Variants in FRK observed in about 807,000 individuals in gnomAD.
FRK encodes the protein fyn related Src family tyrosine kinase.
A neutral mutation model predicts 56.4 loss-of-function variants in FRK; 51 were observed. The ratio of observed to expected loss-of-function variants is 0.90; its 90% CI spans 0.72 to 1.14. The LOEUF (loss-of-function observed/expected upper bound fraction) is 1.14. Among genes scored for constraint, FRK ranks in the 50% most tolerant of loss-of-function variants. FRK has a pLI of 0.00. For synonymous variants in FRK, 245 were observed against 217.9 expected, an observed-to-expected ratio of 1.12 and a Z score of -1.10; for missense variants, 570 against 601.4, an observed-to-expected ratio of 0.95 and a Z score of 0.55.
chr6:116,065,911 TC>T, the FRK span, among the ~76,000 whole-genome samples: 1 of 152,220 alleles, frequency 6.6e-6, no homozygotes, highest in Non-Finnish European at 1.5e-5. Flanking sequence ...TTGTGTTGTT[TC>T]CCCAAGCATA....
the FRK span, among the ~76,000 whole-genome samples, chr6:116,083,458 G>A: frequency 6.6e-6 from 1 of 152,222 alleles, no homozygotes; most frequent in Non-Finnish European, 1.5e-5. Flanking sequence ...TATCATCAGA[G>A]GAGGGGGGAA....
chr6:116,025,680 T>C (rs891810769), intron 1 of FRK, among the ~76,000 whole-genome samples: 3 of 152,208 alleles, frequency 2.0e-5, no homozygotes. Flanking sequence ...TGTGGTTATA[T>C]CTTTATTTGT....
At chr6:116,052,688 G>A (rs1444762330) in intron 1 of FRK, among the ~76,000 whole-genome samples, 1 of 151,912 alleles carries the variant, frequency 6.6e-6, no homozygotes, top group Non-Finnish European at 1.5e-5. Context: ...AAGCTGGTCA[G>A]GAAAAAAAGA....
chr6:116,071,542 T>C, the FRK span, among the ~76,000 whole-genome samples: 2 of 152,200 alleles, frequency 1.3e-5, no homozygotes, highest in South Asian at 2.1e-4. Context: ...TCGTATCAGA[T>C]GCAATCAGAA....
chr6:115,990,214 C>T (rs530107700), intron 2 of FRK, among the ~76,000 whole-genome samples: 6 of 152,034 alleles, frequency 3.9e-5, no homozygotes, highest in African/African-American at 1.4e-4. Context: ...TATTTTCTCC[C>T]ATTCTGTAGG....
chr6:115,944,168 C>A, intron 6 of FRK, 76 bp downstream of exon 6: 1 of 1,172,924 alleles, frequency 8.5e-7, no homozygotes, highest in Admixed American at 2.3e-5. Flanking sequence ...TAAAGAATAA[C>A]AGTATATCTA....
At chr6:116,075,460 T>TGG in the FRK span, among the ~76,000 whole-genome samples, 14 of 99,868 alleles carry the variant, frequency 1.4e-4, no homozygotes, top group African/African-American at 5.1e-4. Context: ...GCTTAAGAGC[T>TGG]GGGGGAAAAA....
the FRK span, among the ~76,000 whole-genome samples, chr6:116,071,207 A>G: frequency 1.3e-5 from 2 of 152,144 alleles, no homozygotes; most frequent in African/African-American, 4.8e-5. Context: ...AAGTTAAACC[A>G]CAAGTCATAC....
At chr6:116,008,118 T>C (rs1445174041) in intron 1 of FRK, among the ~76,000 whole-genome samples, 3 of 152,222 alleles carry the variant, frequency 2.0e-5, no homozygotes, top group Non-Finnish European at 4.4e-5. Flanking sequence ...TTTATGTACA[T>C]ATGTTACATT....
At chr6:116,042,367 C>T (rs1029067953) in intron 1 of FRK, among the ~76,000 whole-genome samples, 2 of 152,164 alleles carry the variant, frequency 1.3e-5, no homozygotes, top group African/African-American at 2.4e-5. Flanking sequence ...GGGAGGCCCA[C>T]TAGACTAGCA....
At chr6:116,046,944 A>G (rs887295157) in intron 1 of FRK, among the ~76,000 whole-genome samples, 1 of 151,842 alleles carries the variant, frequency 6.6e-6, no homozygotes, top group African/African-American at 2.4e-5. Flanking sequence ...AGCATTTCCA[A>G]GTTGTGGTCC....
intron 2 of FRK, among the ~76,000 whole-genome samples, chr6:115,991,127 G>T (rs1774588465): frequency 6.6e-6 from 1 of 151,630 alleles, no homozygotes; most frequent in Admixed American, 6.6e-5. Context: ...TTTTGTATCT[G>T]GAAACTTTAC....
In FRK at chr6:115,940,311, C is replaced by T. The variant is rs1772132962; in HGVS notation, c.*2103G>A. On this transcript the variant is annotated 3_prime_UTR_variant, in exon 8 of 8. Transcript: ENST00000606080. The stretch of plus-strand genomic sequence containing the variant: ...ACTGAAACTGGACCCCTTCCTTACA[C>T]CTATACAAAAATTAACTCAAGATGG... 2 of 152,126 alleles carry T rather than the reference C, an allele frequency of 1.3e-5. No individual in the cohort carries two copies. Among genetic ancestry groups the T allele is most frequent in the African/African-American group, 4.8e-5 (2 of 41,426 alleles). 9.4% of individuals were successfully genotyped at this position (152,126 alleles called of 1,614,324 possible). A position where few individuals can be genotyped will look rare whatever the true frequency, so the allele number is the denominator to read the frequency against.
chr6:115,973,784 T>C (rs964630832), intron 2 of FRK, among the ~76,000 whole-genome samples: 14 of 151,706 alleles, frequency 9.2e-5, no homozygotes, highest in African/African-American at 3.4e-4. Context: ...GGCAGGAGAA[T>C]TGCTTGAACC....
intron 1 of FRK, among the ~76,000 whole-genome samples, chr6:116,018,039 A>C (rs1404078529): frequency 6.6e-6 from 1 of 152,218 alleles, no homozygotes; most frequent in Non-Finnish European, 1.5e-5. Context: ...TGTTCATTGA[A>C]ATTTAATGTC....
the FRK span, among the ~76,000 whole-genome samples, chr6:116,083,879 T>C: frequency 6.6e-6 from 1 of 151,660 alleles, no homozygotes; most frequent in Admixed American, 6.6e-5. Flanking sequence ...CAGGCTGGTC[T>C]CAAATTCCTA....
At chr6:116,037,092 T>TCAC (rs375623794) in intron 1 of FRK, among the ~76,000 whole-genome samples, 150 of 152,308 alleles carry the variant, frequency 9.8e-4, no homozygotes, top group African/African-American at 3.4e-3. Context: ...ACTTTCTGAA[T>TCAC]CACTCAGCCA....
chr6:115,959,305 C>G (rs1220099237), intron 4 of FRK, among the ~76,000 whole-genome samples: 1 of 152,088 alleles, frequency 6.6e-6, no homozygotes, highest in African/African-American at 2.4e-5. Flanking sequence ...GGAGAGAAAA[C>G]TATCGTGGTT....
At chr6:116,059,908 A>T in intron 1 of FRK, 60 bp downstream of exon 1, 2 of 1,408,188 alleles carry the variant, frequency 1.4e-6, no homozygotes, top group African/African-American at 1.4e-5. Flanking sequence ...AGTAGAAAGG[A>T]AAACTCATTA....
Sources: allele counts gnomAD v4.1 joint callset (sites outside exome capture counted in the v4.1 genomes callset), GRCh38; gene constraint gnomAD v4.1.1; transcripts MANE v1.5; gene names NCBI Gene and HGNC (gene_info 2026-07-23, HGNC 2026-07-21).